Variants in CHST13 observed in about 807,000 individuals in gnomAD.
The protein encoded by CHST13 is C4ST-3.
A neutral mutation model predicts 7.0 loss-of-function variants in CHST13; 1 was observed. The ratio of observed to expected loss-of-function variants is 0.14; its 90% confidence interval spans 0.05 to 0.68. CHST13 has a LOEUF of 0.68. Among genes scored for constraint, CHST13 ranks in the 30% least tolerant of loss-of-function variants. The pLI is 0.82. For missense variants in CHST13, 572 were observed against 507.9 expected, an observed-to-expected ratio of 1.13 and a Z score of -1.21; for synonymous variants, 257 against 240.9, an observed-to-expected ratio of 1.07 and a Z score of -0.62.
intron 1 of CHST13, chr3:126,529,416 A>G (rs1361137292): frequency 7.8e-7 from 1 of 1,287,604 alleles, no homozygotes; most frequent in African/African-American, 1.5e-5. Flanking sequence ...ACAAGGGGGC[A>G]CCCAGAGGCA....
chr3:126,541,994 C>A lies in CHST13; in HGVS notation c.442C>A (p.Arg148Ser). ...ISAQEAHAPG[R>S]LPSLADFSPA... ...CGCGCAAGAGGCGCACGCGCCTGGC[C>A]GCCTGCCCTCACTGGCCGACTTCAG... Residue 148 changes from arginine to serine, a missense_variant, in exon 3 of 3, where the codon CGC (arginine) becomes AGC (serine). Arg to Ser is a moderately radical substitution (Grantham distance 110). Transcript: ENST00000319340. The A allele has an allele frequency of 6.4e-7, 1 of 1,561,826 alleles. No homozygotes were observed. The highest frequency in any genetic ancestry group is 1.4e-5 in the African/African-American group (1 of 71,374).
chr3:126,530,519 C>T (rs1936635535), intron 1 of CHST13, among the ~76,000 whole-genome samples: 1 of 152,332 alleles, frequency 6.6e-6, no homozygotes, highest in South Asian at 2.1e-4. Context: ...TCCTCAGTCC[C>T]CAGCCACAGT....
At chr3:126,532,442 T>TGTATGTG (rs3029123) in intron 1 of CHST13, among the ~76,000 whole-genome samples, 6,826 of 152,292 alleles carry the variant, frequency 0.045, 233 homozygotes, top group African/African-American at 0.095. Flanking sequence ...AGTTAGTTTT[T>TGTATGTG]GTATGTGGTA....
intron 1 of CHST13, chr3:126,529,133 C>A (rs1936595944): frequency 2.8e-6 from 1 of 359,266 alleles, no homozygotes; most frequent in Non-Finnish European, 5.2e-6. Flanking sequence ...TGCCCTCACC[C>A]TGCACAGGGC....
chr3:126,530,062 C>T (rs892902220), intron 1 of CHST13, among the ~76,000 whole-genome samples: 1 of 152,186 alleles, frequency 6.6e-6, no homozygotes, highest in Non-Finnish European at 1.5e-5. Context: ...TGGGGCCAGC[C>T]CCCAGCTGGC....
intron 2 of CHST13, 145 bp from the exon 3 acceptor site, chr3:126,541,588 C>G (rs1936957010): frequency 3.0e-6 from 2 of 662,240 alleles, no homozygotes; most frequent in South Asian, 4.5e-5. Flanking sequence ...ACACAGTGAT[C>G]AGTGACAGCC....
At chr3:126,538,249 A>C (rs1198030579) in intron 2 of CHST13, among the ~76,000 whole-genome samples, 1 of 152,248 alleles carries the variant, frequency 6.6e-6, no homozygotes, top group Non-Finnish European at 1.5e-5. Context: ...GCTGCCCACC[A>C]TCGTCCTCCG....
At chr3:126,534,362 T>C (rs1032277318) in intron 1 of CHST13, among the ~76,000 whole-genome samples, 1 of 152,174 alleles carries the variant, frequency 6.6e-6, no homozygotes, top group Non-Finnish European at 1.5e-5. Context: ...CTTATAATAG[T>C]TCTAGGAAAA....
intron 1 of CHST13, chr3:126,528,003 T>C (rs1157333086): frequency 6.6e-6 from 1 of 151,318 alleles, no homozygotes; most frequent in Non-Finnish European, 1.5e-5. Context: ...GGCAGGGGCA[T>C]TTGTGTTGGG....
chr3:126,537,599 C>G (rs1936825489), intron 2 of CHST13, among the ~76,000 whole-genome samples: 1 of 152,190 alleles, frequency 6.6e-6, no homozygotes, highest in Non-Finnish European at 1.5e-5. Flanking sequence ...CTGGGCCACA[C>G]AGCAGGCTGA....
intron 2 of CHST13, among the ~76,000 whole-genome samples, chr3:126,539,148 A>AT (rs1936866806): frequency 6.6e-6 from 1 of 152,084 alleles, no homozygotes; most frequent in South Asian, 2.1e-4. Context: ...AAGAAGGGAG[A>AT]ATAGTTCAAG....
chr3:126,535,393 G>C (rs78182716), intron 1 of CHST13, among the ~76,000 whole-genome samples: 11 of 149,662 alleles, frequency 7.3e-5, no homozygotes, highest in South Asian at 2.1e-4. Flanking sequence ...CTGGTAGACA[G>C]ACAGACAGCA....
intron 1 of CHST13, among the ~76,000 whole-genome samples, chr3:126,533,336 CACTAT>C (rs1299620914): frequency 6.6e-6 from 1 of 152,172 alleles, no homozygotes; most frequent in Non-Finnish European, 1.5e-5. Flanking sequence ...TCCAGTCTTT[CACTAT>C]TAAGTTATCT....
intron 2 of CHST13, among the ~76,000 whole-genome samples, chr3:126,540,871 A>G (rs1936943183): frequency 6.6e-6 from 1 of 152,190 alleles, no homozygotes; most frequent in African/African-American, 2.4e-5. Flanking sequence ...ACCAATTCCT[A>G]ATTGTCTTTT....
At chr3:126,541,699 C>G (rs1160062592) in intron 2 of CHST13, 34 bp from the exon 3 acceptor site, 2 of 1,412,106 alleles carry the variant, frequency 1.4e-6, no homozygotes, top group Non-Finnish European at 9.2e-7. Context: ...GCTGCCCTGA[C>G]GCGTCCCCCT....
chr3:126,541,905 C>T lies in CHST13; in HGVS notation c.353C>T (p.Thr118Ile), dbSNP rs1236889161. ...LYCYVPKVAC[T>I]NWKRVLLALS... ...TGCTACGTGCCCAAGGTGGCCTGCA[C>T]CAACTGGAAGCGCGTGCTGCTGGCG... Residue 118 changes from threonine to isoleucine, a missense_variant, in exon 3 of 3, where the codon ACC (threonine) becomes ATC (isoleucine). By Grantham distance (89) the Thr-to-Ile change is moderately conservative. Transcript: ENST00000319340. The T allele has an allele frequency of 1.0e-5, 16 of 1,600,528 alleles. No individual in the cohort carries two copies. The highest frequency in any genetic ancestry group is 1.4e-5 in the Non-Finnish European group (16 of 1,174,152).
At chr3:126,530,182 G>A (rs1351009567) in intron 1 of CHST13, among the ~76,000 whole-genome samples, 1 of 152,196 alleles carries the variant, frequency 6.6e-6, no homozygotes, top group Non-Finnish European at 1.5e-5. Context: ...GCTCCTCGGG[G>A]CAGGGTGGCA....
Position 126,541,777 on chromosome 3 carries a change from C to T in CHST13, c.225C>T (p.Asp75=), listed in dbSNP as rs1936961820. The T allele has an allele frequency of 6.5e-7, 1 of 1,527,822 alleles. No individual in the cohort carries two copies. The highest frequency in any genetic ancestry group is 2.0e-5 in the Admixed American group (1 of 48,874). The allele number at this position is 1,527,822 out of a possible 1,614,324, so 94.6% of individuals were successfully genotyped here. The part of the protein sequence containing the change: ...TLAKVHRQRR[D]LLNSACSRHS... The stretch of plus-strand genomic sequence containing the variant: ...CGAAGGTGCACCGGCAGCGGCGCGA[C>T]CTGCTGAACAGCGCCTGTAGCCGCC... The change falls in exon 3 of 3, where the codon GAC becomes GAT. Residue 75 remains aspartate, a synonymous_variant. Transcript: ENST00000319340.
intron 1 of CHST13, among the ~76,000 whole-genome samples, chr3:126,526,199 A>G (rs1388396444): frequency 6.6e-6 from 1 of 152,142 alleles, no homozygotes; most frequent in Admixed American, 6.5e-5. Flanking sequence ...TCTCTCTCCC[A>G]AGCCCTGAGC....
Sources: allele counts gnomAD v4.1 joint callset (sites outside exome capture counted in the v4.1 genomes callset), GRCh38; gene constraint gnomAD v4.1.1; transcripts MANE v1.5; gene names NCBI Gene and HGNC (gene_info 2026-07-23, HGNC 2026-07-21).